OOSP3: variants seen among roughly 807,000 people sequenced by gnomAD.
OOSP3 encodes oocyte-secreted protein 3.
chr11:59,894,069 G>A lies in OOSP3; in HGVS notation c.253-10G>A. 1 of 398,350 alleles carries A rather than the reference G, an allele frequency of 2.5e-6. No individual in the cohort carries two copies. Among genetic ancestry groups the A allele is most frequent in the Non-Finnish European group, 4.4e-6 (1 of 225,962 alleles). 24.7% of individuals were successfully genotyped at this position (398,350 alleles called of 1,614,324 possible). A position where few individuals can be genotyped will look rare whatever the true frequency, so the allele number is the denominator to read the frequency against. On this transcript the variant is annotated splice_polypyrimidine_tract_variant and intron_variant, in intron 2 of 4. Coordinates refer to ENST00000646438, the Ensembl canonical transcript of OOSP3. ...TGACATCAACTTATAAAGTCTTTTT[G>A]TCCCATTAGGTTTTCTCATATGTAA...
chr11:59,883,473 A>G (rs1365719467), intron 2 of OOSP3, among the ~76,000 whole-genome samples: 1 of 152,210 alleles, frequency 6.6e-6, no homozygotes, highest in Non-Finnish European at 1.5e-5. Flanking sequence ...AGAATGTTGA[A>G]AAGTTAGCTG....
intron 2 of OOSP3, among the ~76,000 whole-genome samples, chr11:59,892,647 T>A (rs1440783681): frequency 2.6e-5 from 4 of 152,102 alleles, no homozygotes; most frequent in Non-Finnish European, 5.9e-5. Context: ...TATAGGTCTA[T>A]TCCTCTTGAG....
At chr11:59,880,732 T>C (rs1590871866) in intron 2 of OOSP3, among the ~76,000 whole-genome samples, 1 of 152,228 alleles carries the variant, frequency 6.6e-6, no homozygotes, top group African/African-American at 2.4e-5. Flanking sequence ...AAGCAGGCAT[T>C]GTTCCTAGTT....
chr11:59,895,284 AC>A (rs1853345150), intron 3 of OOSP3, among the ~76,000 whole-genome samples: 1 of 144,724 alleles, frequency 6.9e-6, no homozygotes, highest in Non-Finnish European at 1.5e-5. Flanking sequence ...CTATGGTAGG[AC>A]TTTTTTTTTT....
At position 59,883,521 on chromosome 11, in the gene OOSP3, C is replaced by G. The variant is rs955883880; in HGVS notation, c.252+3082C>G. 2.0e-5 allele frequency among the ~76,000 whole-genome samples: 3 copies of G among 152,126 alleles called. No individual in the cohort carries two copies. In the East Asian group the frequency reaches 5.8e-4, roughly 29 times the overall value. On this transcript the variant is annotated intron_variant, in intron 2 of 4. Transcript: ENST00000646438. Reference sequence around the variant, plus strand: ...TGCCACCTCCAACCTCCAAAGAAATCTAAAAACCTTAGAAGATTACATGTA... The same window carrying G: ...TGCCACCTCCAACCTCCAAAGAAATGTAAAAACCTTAGAAGATTACATGTA...
At chr11:59,894,375 C>A (rs1003135825) in intron 3 of OOSP3, among the ~76,000 whole-genome samples, 199 bp downstream of exon 3, 5 of 152,204 alleles carry the variant, frequency 3.3e-5, no homozygotes, top group Non-Finnish European at 7.3e-5. Context: ...GGGACCCCCC[C>A]TTAATATTTC....
intron 2 of OOSP3, among the ~76,000 whole-genome samples, chr11:59,887,603 T>C (rs1326912141): frequency 6.6e-6 from 1 of 152,172 alleles, no homozygotes; most frequent in African/African-American, 2.4e-5. Context: ...GATCAGATGG[T>C]TGTAGATGTG....
At chr11:59,884,475 G>GTCTCTCTCTCTCTCTCTC (rs60145654) in intron 2 of OOSP3, among the ~76,000 whole-genome samples, 4 of 113,834 alleles carry the variant, frequency 3.5e-5, no homozygotes, top group Admixed American at 9.5e-5. Flanking sequence ...CTGTCTGTCT[G>GTCTCTCTCTCTCTCTCTC]TCTCTCTCTC....
intron 2 of OOSP3, among the ~76,000 whole-genome samples, chr11:59,890,139 C>G (rs555334231): frequency 6.6e-6 from 1 of 152,170 alleles, no homozygotes; most frequent in South Asian, 2.1e-4. Flanking sequence ...GTAAATTTTC[C>G]TCCATCCCTT....
chr11:59,890,817 G>A (rs866237502), intron 2 of OOSP3, among the ~76,000 whole-genome samples: 5 of 152,134 alleles, frequency 3.3e-5, no homozygotes, highest in Non-Finnish European at 4.4e-5. Context: ...GAATTTGAAG[G>A]TTAGCCTGTC....
intron 2 of OOSP3, 67 bp from the exon 3 acceptor site, chr11:59,894,012 T>C: frequency 2.5e-6 from 1 of 397,796 alleles, no homozygotes; most frequent in Non-Finnish European, 4.4e-6. Flanking sequence ...ATCTGTTCAC[T>C]GTTCAAATGT....
chr11:59,884,477 C>CTGTCTGTCTG (rs1265237314), intron 2 of OOSP3, among the ~76,000 whole-genome samples: 3 of 2,860 alleles, frequency 1.0e-3, no homozygotes, highest in African/African-American at 1.8e-3. Flanking sequence ...GTCTGTCTGT[C>CTGTCTGTCTG]TCTCTCTCTC....
At chr11:59,895,691 AT>A in intron 4 of OOSP3, 39 bp downstream of exon 4, 1 of 398,292 alleles carries the variant, frequency 2.5e-6, no homozygotes, top group Non-Finnish European at 4.4e-6. Flanking sequence ...GGCAGTGTCC[AT>A]GTAGAAATGA....
At chr11:59,889,535 G>T (rs1452190122) in intron 2 of OOSP3, among the ~76,000 whole-genome samples, 2 of 152,032 alleles carry the variant, frequency 1.3e-5, no homozygotes, top group African/African-American at 4.8e-5. Context: ...CTTGATTTCT[G>T]CCTTAATTTC....
chr11:59,884,332 T>C (rs1420747630), intron 2 of OOSP3, among the ~76,000 whole-genome samples: 1 of 152,190 alleles, frequency 6.6e-6, no homozygotes, highest in Non-Finnish European at 1.5e-5. Flanking sequence ...GAAATAGAAC[T>C]GATTTCTGTC....
intron 2 of OOSP3, among the ~76,000 whole-genome samples, chr11:59,881,874 AAAAT>A (rs1438274077): frequency 1.3e-5 from 2 of 152,220 alleles, no homozygotes; most frequent in African/African-American, 2.4e-5. Flanking sequence ...CCGTCTCAAA[AAAAT>A]AAATAAATAA....
chr11:59,887,737 T>C (rs1053648252), intron 2 of OOSP3, among the ~76,000 whole-genome samples: 1 of 152,222 alleles, frequency 6.6e-6, no homozygotes, highest in Non-Finnish European at 1.5e-5. Flanking sequence ...GCATGATGCC[T>C]CCAGCTTTGT....
intron 2 of OOSP3, among the ~76,000 whole-genome samples, 174 bp from the exon 3 acceptor site, chr11:59,893,905 G>A (rs1420560547): frequency 6.6e-6 from 1 of 152,106 alleles, no homozygotes; most frequent in Non-Finnish European, 1.5e-5. Flanking sequence ...AGCCTTGGAT[G>A]GTGTTTTTTT....
intron 2 of OOSP3, among the ~76,000 whole-genome samples, chr11:59,882,553 G>T (rs1268373537): frequency 6.6e-6 from 1 of 152,038 alleles, no homozygotes; most frequent in Non-Finnish European, 1.5e-5. Flanking sequence ...TTATTATAAA[G>T]ATTTTCCATT....
Sources: gnomAD v4.1 joint callset for allele counts (sites outside exome capture counted in the v4.1 genomes callset) on GRCh38, gnomAD v4.1.1 for gene constraint, MANE v1.5 for transcripts, NCBI Gene and HGNC (gene_info 2026-07-23, HGNC 2026-07-21) for gene names.